SGTA: variants seen among roughly 807,000 people sequenced by gnomAD.
The protein encoded by SGTA is small glutamine rich tetratricopeptide repeat co-chaperone alpha.
In SGTA, 22 loss-of-function variants were observed where a neutral mutation model predicts 44.3. That is an observed-to-expected ratio of 0.50 (90% CI 0.36 to 0.71). SGTA has a LOEUF of 0.71. Ranked by LOEUF, SGTA falls within the 30% of genes least tolerant of loss-of-function variation. SGTA has a pLI of 0.00. For missense variants in SGTA, 341 were observed against 435.9 expected (o/e 0.78, Z 1.94); for synonymous variants, 174 against 177.6 (o/e 0.98, Z 0.16).
At chr19:2,756,837 C>T (rs1387789725) in intron 11 of SGTA, among the ~76,000 whole-genome samples, 1 of 152,190 alleles carries the variant, frequency 6.6e-6, no homozygotes, top group East Asian at 1.9e-4. Context: ...AGTGCAACAC[C>T]TGCTCACAGT....
At position 2,776,597 on chromosome 19, in the gene SGTA, G is replaced by T. The variant is rs1293136576; in HGVS notation, c.-24+6636C>A. 2.6e-5 allele frequency among the ~76,000 whole-genome samples: 4 copies of T among 152,190 alleles called. No individual in the cohort carries two copies. The East Asian group carries it at 7.7e-4, about 29-fold the overall frequency. On this transcript the variant is annotated intron_variant, in intron 1 of 11. Coordinates refer to ENST00000221566, the MANE Select transcript of SGTA (RefSeq NM_003021.4). The stretch of plus-strand genomic sequence containing the variant: ...AGCCTGGGGAGATGAGAAACTTCTG[G>T]AGATGATGGTGGCGATGGCTACATA...
intron 4 of SGTA, among the ~76,000 whole-genome samples, chr19:2,766,413 T>C (rs1353989678): frequency 3.9e-5 from 6 of 152,184 alleles, no homozygotes; most frequent in African/African-American, 1.4e-4. Context: ...TTTTTGCTTC[T>C]TTTTATTGTT....
chr19:2,774,106 G>A (rs56000942), intron 1 of SGTA, among the ~76,000 whole-genome samples: 2 of 152,066 alleles, frequency 1.3e-5, no homozygotes, highest in Non-Finnish European at 2.9e-5. Context: ...ACTGAGAGAC[G>A]ATGAACTCTG....
intron 1 of SGTA, chr19:2,770,890 C>G (rs1915286823): frequency 6.5e-6 from 1 of 153,248 alleles, no homozygotes. Context: ...CTTCTGGCCT[C>G]CAGAACTGCG....
chr19:2,779,884 G>A (rs937461884), intron 1 of SGTA, among the ~76,000 whole-genome samples: 22 of 152,032 alleles, frequency 1.4e-4, no homozygotes, highest in African/African-American at 5.3e-4. Flanking sequence ...ACCAGCTTGG[G>A]CAATACAGTG....
intron 1 of SGTA, among the ~76,000 whole-genome samples, chr19:2,774,151 C>T (rs1023142381): frequency 1.3e-4 from 20 of 152,232 alleles, no homozygotes; most frequent in East Asian, 1.9e-4. Context: ...TCTGTCACCG[C>T]GGCCCCAGCA....
In SGTA at chr19:2,763,518, A is replaced by G; in HGVS notation, c.497+135T>C. On this transcript the variant is annotated intron_variant, in intron 6 of 11. Transcript: ENST00000221566. This position sits in a 1 kb window ranked among gnomAD's most constrained non-coding sequence, Gnocchi z 5.8. The stretch of plus-strand genomic sequence containing the variant: ...GGGACTACGTTGGCTCCGAACAGCT[A>G]GTGTCAGAGTTGAACTGAACCGGGG... 1 of 610,604 alleles carries G rather than the reference A, an allele frequency of 1.6e-6. No individual in the cohort carries two copies. The highest frequency in any genetic ancestry group is 2.9e-6 in the Non-Finnish European group (1 of 348,212). 37.8% of individuals were successfully genotyped at this position (610,604 alleles called of 1,614,324 possible).
At chr19:2,762,978 C>T (rs1044814116) in intron 6 of SGTA, among the ~76,000 whole-genome samples, 23 of 152,196 alleles carry the variant, frequency 1.5e-4, no homozygotes, top group East Asian at 9.6e-4. Flanking sequence ...CCCCGCTTCC[C>T]GGCACAGGGC....
intron 1 of SGTA, among the ~76,000 whole-genome samples, chr19:2,778,726 G>C (rs1334457450): frequency 6.6e-6 from 1 of 152,162 alleles, no homozygotes; most frequent in Non-Finnish European, 1.5e-5. Flanking sequence ...ATGGAGGATT[G>C]CTTGAGCCCA....
chr19:2,778,758 C>T (rs1915502209), intron 1 of SGTA, among the ~76,000 whole-genome samples: 1 of 152,110 alleles, frequency 6.6e-6, no homozygotes, highest in African/African-American at 2.4e-5. Context: ...CCAACTTGGG[C>T]AACAAAGTGA....
In SGTA at chr19:2,767,893, T is replaced by C. The variant is rs1306693948; in HGVS notation, c.101-207A>G. Among the ~76,000 whole-genome samples the C allele has an allele frequency of 1.3e-5, 2 of 152,132 alleles. No homozygotes were observed. The highest frequency in any genetic ancestry group is 6.5e-5 in the Admixed American group (1 of 15,272). On this transcript the variant is annotated intron_variant, in intron 2 of 11. Transcript: ENST00000221566. The surrounding 1 kb of genome is among the most constrained non-coding windows in gnomAD (Gnocchi z 7.3). ...AGAAAAGCCAGACAGAGACGCCCCG[T>C]GCCCCTGAGAGCAGCAGAGGCCGTG...
intron 11 of SGTA, among the ~76,000 whole-genome samples, chr19:2,756,752 T>C (rs1040702537): frequency 2.6e-5 from 4 of 151,788 alleles, no homozygotes; most frequent in Non-Finnish European, 5.9e-5. Context: ...CAGGGGCCCC[T>C]GGGGAAGGAA....
At chr19:2,778,780 TAACAA>T (rs199548409) in intron 1 of SGTA, among the ~76,000 whole-genome samples, 17 of 152,076 alleles carry the variant, frequency 1.1e-4, no homozygotes, top group South Asian at 4.1e-4. Flanking sequence ...GCCCTGTCTC[TAACAA>T]AACAAAACAA....
chr19:2,760,236 T>C (rs368695955), intron 8 of SGTA, among the ~76,000 whole-genome samples: 7 of 151,952 alleles, frequency 4.6e-5, no homozygotes, highest in Non-Finnish European at 8.8e-5. Flanking sequence ...AAAACTTTAT[T>C]GGTCAGGTGT....
At chr19:2,762,406 A>G in intron 7 of SGTA, 100 bp downstream of exon 7, 2 of 1,229,552 alleles carry the variant, frequency 1.6e-6, no homozygotes, top group Non-Finnish European at 2.3e-6. Context: ...CCCTCACGAC[A>G]CCCAGGTTAA....
At chr19:2,770,166 T>C (rs972946978) in intron 1 of SGTA, 54 of 172,372 alleles carry the variant, frequency 3.1e-4, no homozygotes, top group Admixed American at 4.6e-4. Context: ...CCCCCTCGGA[T>C]ACCCTGTCTT....
At chr19:2,759,420 G>A (rs762936090) in intron 8 of SGTA, 126 bp from the exon 9 acceptor site, 22 of 847,308 alleles carry the variant, frequency 2.6e-5, no homozygotes, top group East Asian at 2.2e-4. Context: ...AGTAAGAGCC[G>A]GGCATTCGGT....
chr19:2,761,599 A>T lies in SGTA; in HGVS notation c.637-77T>A. ...GAATAACCCCCTGGAACTCAGAAAC[A>T]ACGGCCCCCCACGGGGCTCAGACAT... On this transcript the variant is annotated intron_variant, in intron 7 of 11. Transcript: ENST00000221566. This position sits in a 1 kb window ranked among gnomAD's most constrained non-coding sequence, Gnocchi z 5.7. 8.1e-7 allele frequency: 1 copy of T among 1,228,470 alleles called. No homozygotes were observed. The allele number at this position is 1,228,470 out of a possible 1,614,324, so 76.1% of individuals were successfully genotyped here.
chr19:2,757,548 C>T (rs1914858372), intron 10 of SGTA, 91 bp from the exon 11 acceptor site: 1 of 1,529,974 alleles, frequency 6.5e-7, no homozygotes, highest in African/African-American at 1.4e-5. Context: ...GCCCTCCACC[C>T]CAAAGACAGG....
Sources: allele counts gnomAD v4.1 joint callset (sites outside exome capture counted in the v4.1 genomes callset), GRCh38; gene constraint gnomAD v4.1.1; non-coding constraint Gnocchi (gnomAD v3.1); transcripts MANE v1.5; gene names NCBI Gene and HGNC (gene_info 2026-07-23, HGNC 2026-07-21).